Variants in CARMIL1 observed in about 807,000 individuals in gnomAD.
CARMIL1 encodes the protein capping protein regulator and myosin 1 linker 1.
A neutral mutation model predicts 177.1 loss-of-function variants in CARMIL1; 90 were observed. That is an observed-to-expected ratio of 0.51 (90% CI 0.43 to 0.61). The LOEUF (loss-of-function observed/expected upper bound fraction) is 0.61. CARMIL1 is among the 20% of genes least tolerant of loss of function. The pLI is 0.00. For synonymous variants in CARMIL1, 577 were observed against 606.2 expected (o/e 0.95, Z 0.71); for missense variants, 1,380 against 1,667.0 (o/e 0.83, Z 3.00).
In CARMIL1 at chr6:25,554,169, G is replaced by A. The variant is rs920341057; in HGVS notation, c.2592+73G>A. 7 of 1,042,928 alleles carry A rather than the reference G, an allele frequency of 6.7e-6. No individual in the cohort carries two copies. Among genetic ancestry groups the A allele is most frequent in the African/African-American group, 6.3e-5 (4 of 63,150 alleles). 64.6% of individuals were successfully genotyped at this position (1,042,928 alleles called of 1,614,324 possible). ...TGTGATGCAGGATGACTTCCGGTGT[G>A]GGGATGTGATTTCTTTTCTGTATTT... is the stretch of plus-strand genomic sequence containing the variant. On this transcript the variant is annotated intron_variant, in intron 28 of 36. Coordinates refer to ENST00000329474, the MANE Select transcript of CARMIL1 (RefSeq NM_017640.6). The surrounding 1 kb of genome is among the most constrained non-coding windows in gnomAD (Gnocchi z 4.6).
chr6:25,493,233 G>A (rs763061164), intron 15 of CARMIL1, among the ~76,000 whole-genome samples: 2 of 152,200 alleles, frequency 1.3e-5, no homozygotes, highest in Non-Finnish European at 2.9e-5. Flanking sequence ...GAACAGAATT[G>A]CGCTAACAAA....
At chr6:25,618,991 G>A (rs992829850) in intron 36 of CARMIL1, among the ~76,000 whole-genome samples, 4 of 152,208 alleles carry the variant, frequency 2.6e-5, no homozygotes, top group South Asian at 2.1e-4. Context: ...CAAATCATCT[G>A]CAGAAGGCAT....
At chr6:25,451,927 C>A (rs1798965561) in intron 8 of CARMIL1, 2 of 595,660 alleles carry the variant, frequency 3.4e-6, no homozygotes, top group South Asian at 3.9e-5. Context: ...GCCATTTGGA[C>A]AACTGAAGTG....
At chr6:25,387,864 T>G (rs557143597) in intron 2 of CARMIL1, among the ~76,000 whole-genome samples, 1 of 152,316 alleles carries the variant, frequency 6.6e-6, no homozygotes, top group African/African-American at 2.4e-5. Context: ...GATGCAACTA[T>G]GGGCCCCTTT....
chr6:25,581,404 A>T lies in CARMIL1; in HGVS notation c.2971A>T (p.Lys991Ter). ...GGAACACTTTACCAAGTTAAGGCCA[A>T]AAAGGAATAAGAAGCAGCAACCCAC... ...KLEHFTKLRP[K>*]RNKKQQPTQA... The change falls in exon 31 of 37, where the codon AAA becomes TAA. Residue 991 changes from lysine (K) to a stop codon, truncating the protein, a stop_gained. Coordinates refer to ENST00000329474, the MANE Select transcript of CARMIL1 (RefSeq NM_017640.6). LOFTEE classifies it high-confidence loss of function. The T allele has an allele frequency of 6.2e-7, 1 of 1,613,124 alleles. No homozygotes were observed. Among genetic ancestry groups the T allele is most frequent in the Non-Finnish European group, 8.5e-7 (1 of 1,179,536 alleles).
At position 25,510,587 on chromosome 6, in the gene CARMIL1, T is replaced by C; in HGVS notation, c.1558T>C (p.Phe520Leu). 1.3e-6 allele frequency: 2 copies of C among 1,551,414 alleles called. No individual in the cohort carries two copies. Among genetic ancestry groups the C allele is most frequent in the South Asian group, 2.4e-5 (2 of 83,722 alleles). The stretch of plus-strand genomic sequence containing the variant: ...ACAACACCTGGCGTTAGGCAAAAAT[T>C]TTAATAATATGAAATCCAAGTAAGA... ...SIQHLALGKN[F>L]NNMKSKNLTP... The change falls in exon 19 of 37, where the codon TTT (phenylalanine) becomes CTT (leucine). Residue 520 changes from phenylalanine to leucine, a missense_variant. Physicochemically the swap from Phe to Leu is conservative, Grantham distance 22 (BLOSUM62 0). Transcript: ENST00000329474.
intron 23 of CARMIL1, among the ~76,000 whole-genome samples, chr6:25,522,810 C>CATTG (rs149243209): frequency 0.16 from 24,909 of 151,896 alleles, 2,272 homozygotes; most frequent in East Asian, 0.4. Context: ...CTGGATACTT[C>CATTG]ATTGATTGAT....
intron 2 of CARMIL1, among the ~76,000 whole-genome samples, chr6:25,395,259 C>T (rs76249085): frequency 0.011 from 1,661 of 152,254 alleles, 28 homozygotes; most frequent in African/African-American, 0.036. Context: ...CTGGAGAGGA[C>T]GTACAGGATA....
chr6:25,519,758 A>C (rs993159967), intron 22 of CARMIL1, among the ~76,000 whole-genome samples: 34 of 152,216 alleles, frequency 2.2e-4, no homozygotes, highest in African/African-American at 8.0e-4. Context: ...TGTGGATGCT[A>C]ATGGCTTGCT....
At chr6:25,300,663 CA>C (rs1209839731) in intron 2 of CARMIL1, among the ~76,000 whole-genome samples, 1 of 152,112 alleles carries the variant, frequency 6.6e-6, no homozygotes, top group Non-Finnish European at 1.5e-5. Flanking sequence ...CCAAACAAAA[CA>C]AAAAAGCAAA....
At chr6:25,468,674 C>T (rs1483346999) in intron 9 of CARMIL1, among the ~76,000 whole-genome samples, 1 of 152,114 alleles carries the variant, frequency 6.6e-6, no homozygotes, top group African/African-American at 2.4e-5. Flanking sequence ...TTATATTCAT[C>T]CCTGTAGAAA....
intron 27 of CARMIL1, among the ~76,000 whole-genome samples, chr6:25,552,484 A>T (rs986321944): frequency 1.3e-5 from 2 of 152,152 alleles, no homozygotes; most frequent in Non-Finnish European, 2.9e-5. Flanking sequence ...ATAATGCATT[A>T]TACTGAACAT....
intron 23 of CARMIL1, among the ~76,000 whole-genome samples, chr6:25,521,586 G>A (rs958408981): frequency 6.6e-6 from 1 of 151,988 alleles, no homozygotes; most frequent in African/African-American, 2.4e-5. Flanking sequence ...TGGCTAACAC[G>A]GTGAAACCCC....
intron 26 of CARMIL1, among the ~76,000 whole-genome samples, chr6:25,544,606 T>TACACACAC (rs3034120): frequency 0.015 from 2,161 of 142,464 alleles, 26 homozygotes; most frequent in African/African-American, 0.033. Context: ...GTTACTAGAC[T>TACACACAC]ACACACACAC....
rs562152070 is a variant in CARMIL1 at position 25,577,918 on chromosome 6, T to C, written c.2743-3006T>C. Among the ~76,000 whole-genome samples the C allele has an allele frequency of 6.6e-6, 1 of 152,306 alleles. No individual in the cohort carries two copies. The highest frequency in any genetic ancestry group is 2.1e-4 in the South Asian group (1 of 4,824). Reference sequence around the variant, plus strand: ...GTGATGTTAGGACAAGAAAGAAGTCTGTGTTTAAGATTTTCCTGCTAAAAT... The same window carrying C: ...GTGATGTTAGGACAAGAAAGAAGTCCGTGTTTAAGATTTTCCTGCTAAAAT... On this transcript the variant is annotated intron_variant, in intron 29 of 36. Transcript: ENST00000329474. This position sits in a 1 kb window ranked among gnomAD's most constrained non-coding sequence, Gnocchi z 4.5.
intron 2 of CARMIL1, among the ~76,000 whole-genome samples, chr6:25,306,496 C>T (rs1273456587): frequency 6.6e-6 from 1 of 152,146 alleles, no homozygotes; most frequent in Non-Finnish European, 1.5e-5. Context: ...ACCATCTCTC[C>T]TCCCCCCCAC....
intron 2 of CARMIL1, among the ~76,000 whole-genome samples, chr6:25,416,169 T>TA (rs1359188073): frequency 6.6e-6 from 1 of 152,188 alleles, no homozygotes; most frequent in African/African-American, 2.4e-5. Flanking sequence ...TCCTTTTCCT[T>TA]ATGATATCCA....
At chr6:25,548,599 G>A (rs1295976035) in intron 26 of CARMIL1, among the ~76,000 whole-genome samples, 1 of 152,128 alleles carries the variant, frequency 6.6e-6, no homozygotes, top group Non-Finnish European at 1.5e-5. Context: ...AGGTCCATGG[G>A]GGCATGAAGG....
chr6:25,340,944 G>A (rs1786858851), intron 2 of CARMIL1, among the ~76,000 whole-genome samples: 1 of 152,050 alleles, frequency 6.6e-6, no homozygotes, highest in Non-Finnish European at 1.5e-5. Flanking sequence ...CAAAAGGAAG[G>A]AGTGTCACAA....
Sources: gnomAD v4.1 joint callset for allele counts (sites outside exome capture counted in the v4.1 genomes callset) on GRCh38, gnomAD v4.1.1 for gene constraint, Gnocchi (gnomAD v3.1) non-coding constraint, MANE v1.5 for transcripts, NCBI Gene and HGNC (gene_info 2026-07-23, HGNC 2026-07-21) for gene names.